The following FAM227B variants were observed in gnomAD, a reference collection of about 807,000 sequenced individuals.
FAM227B encodes the protein protein FAM227B.
Under a neutral mutation model 73.8 loss-of-function variants are expected in FAM227B, and 88 were observed. That is an observed-to-expected ratio of 1.19 (90% CI 1.00 to 1.42). The LOEUF (loss-of-function observed/expected upper bound fraction) is 1.42, where lower values mean the gene tolerates loss of function less well. Among genes scored for constraint, FAM227B ranks in the 40% most tolerant of loss-of-function variants. The pLI is 0.00. For synonymous variants in FAM227B, 210 were observed against 190.5 expected (o/e 1.10, Z -0.84); for missense variants, 632 against 590.9 (o/e 1.07, Z -0.72).
At chr15:49,439,421 G>T (rs1460957724) in intron 11 of FAM227B, among the ~76,000 whole-genome samples, 2 of 151,690 alleles carry the variant, frequency 1.3e-5, no homozygotes, top group Non-Finnish European at 3.0e-5. Flanking sequence ...TAGTAAAATA[G>T]TAAAACGTGG....
chr15:49,421,765 T>C (rs2049646466), intron 11 of FAM227B, among the ~76,000 whole-genome samples: 1 of 152,196 alleles, frequency 6.6e-6, no homozygotes, highest in African/African-American at 2.4e-5. Context: ...TCATTATTGT[T>C]ACCTCCCAAA....
At chr15:49,367,709 A>C in intron 12 of FAM227B, 101 bp from the exon 13 acceptor site, 2 of 1,102,152 alleles carry the variant, frequency 1.8e-6, no homozygotes, top group Non-Finnish European at 2.5e-6. Flanking sequence ...TTACCATTTG[A>C]TATATTAAAA....
rs919316578 is a variant in FAM227B, at chr15:49,355,614, C to T, written c.1271+11834G>A. 1.3e-4 allele frequency among the ~76,000 whole-genome samples: 20 copies of T among 152,212 alleles called. No individual in the cohort carries two copies. The East Asian group carries it at 1.5e-3, about 12-fold the overall frequency. On this transcript the variant is annotated intron_variant, in intron 13 of 15. Coordinates refer to ENST00000299338, the MANE Select transcript of FAM227B (RefSeq NM_152647.3). ...GTGAAAAGACCAAATCTACGTCTGA[C>T]TGGTGTACCTGAAAGTGATGGGGAG... is the stretch of plus-strand genomic sequence containing the variant.
intron 11 of FAM227B, among the ~76,000 whole-genome samples, chr15:49,427,269 T>G (rs2050209085): frequency 1.3e-5 from 2 of 152,048 alleles, no homozygotes; most frequent in Admixed American, 1.3e-4. Flanking sequence ...AATTATGACA[T>G]TTGAAGATTG....
intron 10 of FAM227B, among the ~76,000 whole-genome samples, chr15:49,530,795 T>G (rs1416789091): frequency 6.6e-6 from 1 of 151,692 alleles, no homozygotes; most frequent in East Asian, 1.9e-4. Flanking sequence ...CTCATTTGAG[T>G]TTTAATAGAA....
rs533920677 is a variant in FAM227B, at chr15:49,508,554, A to G, written c.875-206T>C. ...CCTCAGCAATAAAAATGAGAATAAC[A>G]TAAATTATTTTGAAATATATGTTAC... On this transcript the variant is annotated intron_variant, in intron 10 of 15. Transcript: ENST00000299338. Among the ~76,000 whole-genome samples, 133 of 152,212 alleles carry G rather than the reference A, an allele frequency of 8.7e-4. 5 individuals carry two copies. In the South Asian group the frequency reaches 0.026, roughly 30 times the overall value.
intron 11 of FAM227B, among the ~76,000 whole-genome samples, chr15:49,402,436 G>C (rs1237338346): frequency 1.3e-5 from 2 of 152,126 alleles, no homozygotes; most frequent in Admixed American, 1.3e-4. Flanking sequence ...CCATTTGTTT[G>C]TGTCCTCCAA....
chr15:49,341,474 G>C (rs1173766051), intron 13 of FAM227B, among the ~76,000 whole-genome samples: 1 of 152,042 alleles, frequency 6.6e-6, no homozygotes, highest in African/African-American at 2.4e-5. Context: ...TGCACCTCCT[G>C]GGTTAGATGT....
intron 11 of FAM227B, among the ~76,000 whole-genome samples, chr15:49,476,217 G>GTTT (rs938833498): frequency 9.9e-6 from 1 of 100,548 alleles, no homozygotes; most frequent in Non-Finnish European, 2.2e-5. Context: ...TTGCTGTTTT[G>GTTT]TTTTTTTGTT....
chr15:49,379,164 A>T (rs1167930123), intron 11 of FAM227B, among the ~76,000 whole-genome samples: 2 of 152,150 alleles, frequency 1.3e-5, no homozygotes, highest in Non-Finnish European at 2.9e-5. Context: ...TCTGATGAAT[A>T]ATCTTTCTAA....
chr15:49,609,369 AAGAT>A (rs1199128074), intron 3 of FAM227B, among the ~76,000 whole-genome samples: 1 of 151,866 alleles, frequency 6.6e-6, no homozygotes, highest in Non-Finnish European at 1.5e-5. Flanking sequence ...ATTACCAAAA[AAGAT>A]AGAAATGGTA....
intron 10 of FAM227B, among the ~76,000 whole-genome samples, chr15:49,516,487 G>A (rs1013892333): frequency 6.6e-6 from 1 of 151,898 alleles, no homozygotes; most frequent in Non-Finnish European, 1.5e-5. Context: ...CTTCTGATGG[G>A]TTCAGGAAAG....
In FAM227B at chr15:49,332,420, A is replaced by G. The variant is rs566835260; in HGVS notation, c.1350-571T>C. 5.1e-4 allele frequency among the ~76,000 whole-genome samples: 77 copies of G among 152,352 alleles called. 1 individual carries two copies. Among genetic ancestry groups the G allele is most frequent in the African/African-American group, 1.8e-3 (76 of 41,584 alleles). On this transcript the variant is annotated intron_variant, in intron 14 of 15. Coordinates refer to ENST00000299338, the MANE Select transcript of FAM227B (RefSeq NM_152647.3). ...CTTACTAGACTGTAAGCTCATTGTG[A>G]GCAGGGATCCAGGAATCTCATGATA... is the stretch of plus-strand genomic sequence containing the variant.
intron 9 of FAM227B, among the ~76,000 whole-genome samples, chr15:49,551,357 CCTT>C (rs1034477154): frequency 1.4e-4 from 21 of 152,164 alleles, no homozygotes; most frequent in Admixed American, 1.1e-3. Flanking sequence ...TATGTAATAA[CCTT>C]CTTTGTTTCT....
chr15:49,485,024 TTAAACTC>T (rs2056289943), intron 11 of FAM227B: 1 of 152,010 alleles, frequency 6.6e-6, no homozygotes, highest in Non-Finnish European at 1.5e-5. Context: ...TATAATCTAC[TTAAACTC>T]TAATCAGAAA....
chr15:49,549,768 C>G (rs1005653993), intron 9 of FAM227B, among the ~76,000 whole-genome samples: 60 of 152,328 alleles, frequency 3.9e-4, no homozygotes, highest in African/African-American at 1.4e-3. Flanking sequence ...TTTTCCCCAC[C>G]TTTCCCCACT....
At chr15:49,431,071 A>G (rs932853269) in intron 11 of FAM227B, among the ~76,000 whole-genome samples, 13 of 151,886 alleles carry the variant, frequency 8.6e-5, no homozygotes, top group African/African-American at 2.9e-4. Flanking sequence ...ATTGGAATAC[A>G]ATACTTTTCC....
At chr15:49,568,781 T>C (rs928215675) in intron 8 of FAM227B, among the ~76,000 whole-genome samples, 2 of 152,044 alleles carry the variant, frequency 1.3e-5, no homozygotes, top group Non-Finnish European at 2.9e-5. Flanking sequence ...GCTTTTGATT[T>C]GCTAGTATTT....
At position 49,328,559 on chromosome 15, in the gene FAM227B, T is replaced by C; in HGVS notation, c.*9A>G. 2 of 1,606,188 alleles carry C rather than the reference T, an allele frequency of 1.2e-6. No homozygotes were observed. The highest frequency in any genetic ancestry group is 1.1e-5 in the South Asian group (1 of 90,042). ...ATTATTCTTGAATAGAGTTCATTTC[T>C]GGTTTCTCTTAGTATTCTTCTTCCT... On this transcript the variant is annotated 3_prime_UTR_variant, in exon 16 of 16. Transcript: ENST00000299338.
Sources: gnomAD v4.1 joint callset for allele counts (sites outside exome capture counted in the v4.1 genomes callset) on GRCh38, gnomAD v4.1.1 for gene constraint, MANE v1.5 for transcripts, NCBI Gene and HGNC (gene_info 2026-07-23, HGNC 2026-07-21) for gene names.